PLCB1: variants seen among roughly 807,000 people sequenced by gnomAD.
The protein encoded by PLCB1 is 1-phosphatidylinositol 4,5-bisphosphate phosphodiesterase beta-1.
A neutral mutation model predicts 161.8 loss-of-function variants in PLCB1; 46 were observed. The ratio of observed to expected loss-of-function variants is 0.28; its 90% CI spans 0.22 to 0.36. The LOEUF is 0.36. Ranked by LOEUF, PLCB1 falls within the 10% of genes least tolerant of loss-of-function variation. The pLI, the probability that PLCB1 is intolerant of heterozygous loss-of-function variation, is 1.00. For missense variants in PLCB1, 1,016 were observed against 1,472.5 expected, an observed-to-expected ratio of 0.69 and a Z score of 5.07; for synonymous variants, 517 against 503.7, an observed-to-expected ratio of 1.03 and a Z score of -0.35.
At chr20:8,214,477 T>A (rs1427502478) in intron 2 of PLCB1, among the ~76,000 whole-genome samples, 2 of 152,122 alleles carry the variant, frequency 1.3e-5, no homozygotes, top group East Asian at 3.9e-4. Context: ...TCCTGAGGCC[T>A]CCTCAGAAGC....
chr20:8,831,623 C>CA (rs1985983858), intron 31 of PLCB1, among the ~76,000 whole-genome samples: 1 of 151,932 alleles, frequency 6.6e-6, no homozygotes, highest in Non-Finnish European at 1.5e-5. Context: ...TAAAAGTTTT[C>CA]GTTGTTACTT....
chr20:8,631,114 C>CTT (rs1988574693), intron 4 of PLCB1, among the ~76,000 whole-genome samples: 1 of 152,196 alleles, frequency 6.6e-6, no homozygotes. Flanking sequence ...CCACTGTTAC[C>CTT]TTGGAGCATC....
At position 8,807,696 on chromosome 20, in the gene PLCB1, C is replaced by T. The variant is rs1032402012; in HGVS notation, c.3423+17435C>T. Among the ~76,000 whole-genome samples, 4 of 151,986 alleles carry T rather than the reference C, an allele frequency of 2.6e-5. No homozygotes were observed. The East Asian group carries it at 7.7e-4, about 29-fold the overall frequency. On this transcript the variant is annotated intron_variant, in intron 31 of 31. Transcript: ENST00000338037. ...AAGTTGATTATAGTATAGTGCTATC[C>T]AATAGAATTTTCTGCAGTGATGGAA...
intron 3 of PLCB1, among the ~76,000 whole-genome samples, chr20:8,541,901 A>G (rs1985348312): frequency 6.6e-6 from 1 of 152,228 alleles, no homozygotes; most frequent in East Asian, 1.9e-4. Context: ...AATTTGGATC[A>G]GATAAAGAGG....
intron 3 of PLCB1, among the ~76,000 whole-genome samples, chr20:8,381,369 C>T (rs550371850): frequency 2.4e-4 from 37 of 152,194 alleles, no homozygotes; most frequent in Middle Eastern, 3.4e-3. Context: ...ATTTTTGCAT[C>T]GATGTTCATC....
chr20:8,320,082 A>G (rs1439426132), intron 2 of PLCB1, among the ~76,000 whole-genome samples: 3 of 152,178 alleles, frequency 2.0e-5, no homozygotes, highest in Admixed American at 6.5e-5. Context: ...GTCCGGGGGC[A>G]TGGCATTTTG....
At position 8,572,000 on chromosome 20, in the gene PLCB1, A is replaced by T. The variant is rs554560964; in HGVS notation, c.247-56294A>T. 9.2e-5 allele frequency among the ~76,000 whole-genome samples: 14 copies of T among 152,296 alleles called. No homozygotes were observed. The East Asian group carries it at 1.2e-3, about 13-fold the overall frequency. On this transcript the variant is annotated intron_variant, in intron 3 of 31. Transcript: ENST00000338037. ...TCTTGACTGGTAATGGTATTTTTTT[A>T]AAAATTACTATTTAATGTCATTCTA... is the stretch of plus-strand genomic sequence containing the variant.
chr20:8,546,050 C>T (rs1985529805), intron 3 of PLCB1, among the ~76,000 whole-genome samples: 1 of 152,104 alleles, frequency 6.6e-6, no homozygotes, highest in South Asian at 2.1e-4. Context: ...GGCGCGGTGG[C>T]TCATGCCTGT....
chr20:8,630,850 A>G (rs1253083167), intron 4 of PLCB1, among the ~76,000 whole-genome samples: 1 of 152,136 alleles, frequency 6.6e-6, no homozygotes, highest in Admixed American at 6.5e-5. Flanking sequence ...GTGCAGTCCT[A>G]TCTAAAATAT....
intron 3 of PLCB1, among the ~76,000 whole-genome samples, chr20:8,485,551 TAA>T (rs1982683022): frequency 6.6e-6 from 1 of 152,252 alleles, no homozygotes; most frequent in Admixed American, 6.5e-5. Flanking sequence ...ATTAGTCATA[TAA>T]AAGTTCATTA....
At chr20:8,356,943 A>G (rs1381809256) in intron 2 of PLCB1, among the ~76,000 whole-genome samples, 2 of 152,230 alleles carry the variant, frequency 1.3e-5, no homozygotes, top group African/African-American at 4.8e-5. Flanking sequence ...TGGATTTTCA[A>G]AAAAATTTCC....
intron 3 of PLCB1, among the ~76,000 whole-genome samples, chr20:8,563,008 A>C (rs992592527): frequency 1.3e-5 from 2 of 152,006 alleles, no homozygotes; most frequent in Non-Finnish European, 2.9e-5. Flanking sequence ...ATAAAAGTGA[A>C]TCCTTTTGTA....
intron 31 of PLCB1, among the ~76,000 whole-genome samples, chr20:8,840,240 G>A (rs913688070): frequency 6.6e-6 from 1 of 152,084 alleles, no homozygotes; most frequent in African/African-American, 2.4e-5. Flanking sequence ...ATAAGCCCAA[G>A]CCTCAAGCAT....
intron 26 of PLCB1, among the ~76,000 whole-genome samples, chr20:8,772,349 C>T (rs1420842524): frequency 2.6e-5 from 4 of 152,180 alleles, no homozygotes; most frequent in Admixed American, 1.3e-4. Context: ...ACATGGCATG[C>T]AGTCATGCTG....
rs149210550 is a variant in PLCB1 at position 8,281,470 on chromosome 20, C to T, written c.178-89912C>T. Among the ~76,000 whole-genome samples, 1,172 of 151,872 alleles carry T rather than the reference C, an allele frequency of 7.7e-3. 3 individuals are homozygous for T. Among genetic ancestry groups the T allele is most frequent in the Non-Finnish European group, 0.011 (761 of 67,914 alleles). On this transcript the variant is annotated intron_variant, in intron 2 of 31. Coordinates refer to ENST00000338037, the MANE Select transcript of PLCB1 (RefSeq NM_015192.4). ...TTTTTTAAGTTCATAGAAATTGAAGCTGTTTGTTTACTAGATCCCCTTAAA... is the reference window on the plus strand; with the variant it reads ...TTTTTTAAGTTCATAGAAATTGAAGTTGTTTGTTTACTAGATCCCCTTAAA...
intron 3 of PLCB1, among the ~76,000 whole-genome samples, chr20:8,447,586 A>G (rs979154963): frequency 1.3e-5 from 2 of 152,232 alleles, no homozygotes; most frequent in African/African-American, 4.8e-5. Flanking sequence ...AATGTGAAAG[A>G]TTGTCCAAGA....
intron 4 of PLCB1, among the ~76,000 whole-genome samples, chr20:8,629,897 TCTTTCTTTCTCTTTC>T (rs1988503301): frequency 7.1e-6 from 1 of 141,206 alleles, no homozygotes; most frequent in African/African-American, 2.6e-5. Flanking sequence ...TTCTTTTCTT[TCTTTCTTTCTCTTTC>T]CTTTCTTTCC....
intron 31 of PLCB1, among the ~76,000 whole-genome samples, chr20:8,809,303 C>T (rs977066): frequency 0.067 from 10,139 of 152,114 alleles, 971 homozygotes; most frequent in African/African-American, 0.21. Context: ...CCACCATGCC[C>T]GGCTCACTTA....
chr20:8,638,186 A>G (rs1988827296), intron 4 of PLCB1, among the ~76,000 whole-genome samples: 1 of 152,184 alleles, frequency 6.6e-6, no homozygotes, highest in Non-Finnish European at 1.5e-5. Flanking sequence ...GAGCCACCGC[A>G]CCCAGCCAAA....
Sources: allele counts gnomAD v4.1 joint callset (sites outside exome capture counted in the v4.1 genomes callset), GRCh38; gene constraint gnomAD v4.1.1; transcripts MANE v1.5; gene names NCBI Gene and HGNC (gene_info 2026-07-23, HGNC 2026-07-21).